The following DNAH12 variants were observed in gnomAD, a reference collection of about 807,000 sequenced individuals.
DNAH12 encodes the protein dynein axonemal heavy chain 12, also known as axonemal beta dynein heavy chain 12.
Under a neutral mutation model 371.5 loss-of-function variants are expected in DNAH12, and 285 were observed. The observed-to-expected ratio is 0.77, with a 90% CI of 0.70 to 0.85. DNAH12 has a LOEUF of 0.85. Ranked by LOEUF, DNAH12 falls within the 40% of genes least tolerant of loss-of-function variation. The pLI, the probability that DNAH12 is intolerant of heterozygous loss-of-function variation, is 0.00. For synonymous variants in DNAH12, 1,200 were observed against 1,213.0 expected, an observed-to-expected ratio of 0.99 and a Z score of 0.22; for missense variants, 3,611 against 3,689.4, an observed-to-expected ratio of 0.98 and a Z score of 0.55.
At chr3:57,399,125 T>A (rs1327557050) in intron 43 of DNAH12, among the ~76,000 whole-genome samples, 1 of 152,204 alleles carries the variant, frequency 6.6e-6, no homozygotes, top group Non-Finnish European at 1.5e-5. Context: ...AACTTTAGGT[T>A]GTTTTATGTA....
At chr3:57,332,771 A>T (rs570385851) in intron 62 of DNAH12, among the ~76,000 whole-genome samples, 1 of 152,312 alleles carries the variant, frequency 6.6e-6, no homozygotes, top group East Asian at 1.9e-4. Context: ...GAGGTGCTGT[A>T]ACCAGGAGAT....
chr3:57,328,512 C>T (rs36169818), intron 62 of DNAH12, among the ~76,000 whole-genome samples: 27 of 141,356 alleles, frequency 1.9e-4, no homozygotes, highest in South Asian at 7.1e-4. Context: ...ATTCAACAAC[C>T]CTTCATGCTA....
At chr3:57,484,123 T>C (rs542681908) in intron 12 of DNAH12, among the ~76,000 whole-genome samples, 2 of 152,106 alleles carry the variant, frequency 1.3e-5, no homozygotes, top group African/African-American at 4.8e-5. Context: ...TCTTTCTGGA[T>C]TGTTGTAATA....
At chr3:57,515,013 A>G (rs1575716719) in intron 4 of DNAH12, among the ~76,000 whole-genome samples, 1 of 152,190 alleles carries the variant, frequency 6.6e-6, no homozygotes, top group Non-Finnish European at 1.5e-5. Context: ...TAATGGATGA[A>G]AGCCAGATTC....
intron 60 of DNAH12, among the ~76,000 whole-genome samples, chr3:57,344,861 C>T (rs2062498820): frequency 6.6e-6 from 1 of 152,012 alleles, no homozygotes; most frequent in Non-Finnish European, 1.5e-5. Context: ...TTCAATAGCA[C>T]TGTAGGATGA....
intron 43 of DNAH12, among the ~76,000 whole-genome samples, chr3:57,397,474 T>TG (rs1422911642): frequency 6.6e-6 from 1 of 152,034 alleles, no homozygotes; most frequent in African/African-American, 2.4e-5. Flanking sequence ...CTGGCTTGTG[T>TG]GGGGGCTGTT....
At chr3:57,507,229 T>A (rs1329662632) in intron 8 of DNAH12, among the ~76,000 whole-genome samples, 3 of 152,104 alleles carry the variant, frequency 2.0e-5, no homozygotes, top group African/African-American at 4.8e-5. Context: ...TCAATAACTT[T>A]AAAAATTTTT....
At chr3:57,421,024 C>A (rs185778167) in intron 36 of DNAH12, among the ~76,000 whole-genome samples, 4 of 151,356 alleles carry the variant, frequency 2.6e-5, no homozygotes, top group African/African-American at 7.3e-5. Context: ...GAGGATGAAA[C>A]TCTCTTTCTG....
At chr3:57,514,260 G>C (rs1276173104) in intron 4 of DNAH12, among the ~76,000 whole-genome samples, 2 of 151,938 alleles carry the variant, frequency 1.3e-5, no homozygotes, top group South Asian at 2.1e-4. Context: ...TGGACATGGT[G>C]GGGGGAACCT....
At chr3:57,342,083 ACTCTCTC>A (rs1359802616) in intron 60 of DNAH12, among the ~76,000 whole-genome samples, 1 of 151,956 alleles carries the variant, frequency 6.6e-6, no homozygotes, top group Non-Finnish European at 1.5e-5. Context: ...GCAAAACTAG[ACTCTCTC>A]CTCTTATTCT....
chr3:57,350,505 T>C (rs6771954), intron 60 of DNAH12, among the ~76,000 whole-genome samples: 34,254 of 152,150 alleles, frequency 0.23, 4,514 homozygotes, highest in South Asian at 0.4. Context: ...TGACATTTCC[T>C]TAGACCACAC....
chr3:57,509,023 T>G (rs917878769), intron 6 of DNAH12, 117 bp downstream of exon 6: 14 of 873,212 alleles, frequency 1.6e-5, no homozygotes, highest in Non-Finnish European at 2.3e-5. Flanking sequence ...ACTTTTTTTT[T>G]AGATGTGTTC....
intron 43 of DNAH12, among the ~76,000 whole-genome samples, chr3:57,401,684 T>A (rs578027535): frequency 2.1e-5 from 3 of 145,488 alleles, no homozygotes; most frequent in African/African-American, 7.7e-5. Flanking sequence ...GCAAGGAAGC[T>A]AGGAAGGAAA....
intron 40 of DNAH12, among the ~76,000 whole-genome samples, chr3:57,407,912 GAAA>G (rs1553681799): frequency 8.6e-5 from 13 of 151,806 alleles, no homozygotes; most frequent in Middle Eastern, 3.2e-3. Flanking sequence ...AAGATAGAGA[GAAA>G]AAACGACAAG....
chr3:57,443,620 CATTAT>C lies in DNAH12; in HGVS notation c.4545+1072_4545+1076del, dbSNP rs2153369652. Among the ~76,000 whole-genome samples the C allele has an allele frequency of 1.3e-5, 2 of 151,868 alleles. 1 individual carries two copies. The highest frequency in any genetic ancestry group is 4.2e-4 in the South Asian group (2 of 4,800). ...AACATGATGATTTGATAAACATATA[CATTAT>C]ATAATGATTACCACAATCTAATTAA... On this transcript the variant is annotated intron_variant, in intron 29 of 73. Transcript: ENST00000495027.
In DNAH12 at chr3:57,309,731, G is replaced by GT. The variant is rs1575431321; in HGVS notation, c.11019dup (p.Gln3674ThrfsTer9). The GT allele has an allele frequency of 1.3e-6, 2 of 1,551,110 alleles. No individual in the cohort carries two copies. The highest frequency in any genetic ancestry group is 4.9e-5 in the East Asian group (2 of 40,902). ...TCAGTACTTCCTGAGGCTCCTGTCT[G>GT]TTTGGAGCCTCCCTGGGTGAGGAGC... On this transcript the variant is annotated frameshift_variant, in exon 68 of 74. Transcript: ENST00000495027. LOFTEE classifies it high-confidence loss of function.
At chr3:57,526,817 C>A (rs553146677) in intron 2 of DNAH12, among the ~76,000 whole-genome samples, 2 of 151,602 alleles carry the variant, frequency 1.3e-5, no homozygotes, top group Non-Finnish European at 2.9e-5. Flanking sequence ...GCACTGCGCC[C>A]GGCCTCTTTT....
chr3:57,523,506 G>T, intron 4 of DNAH12, 77 bp downstream of exon 4: 1 of 1,203,106 alleles, frequency 8.3e-7, no homozygotes, highest in South Asian at 1.5e-5. Flanking sequence ...GGACTTAGCA[G>T]GTGGTCTTAG....
intron 60 of DNAH12, among the ~76,000 whole-genome samples, chr3:57,347,935 G>T (rs1465611722): frequency 3.9e-5 from 6 of 151,992 alleles, no homozygotes; most frequent in African/African-American, 1.4e-4. Flanking sequence ...TAAATGGTAC[G>T]GCCACTCAGG....
Sources: allele counts gnomAD v4.1 joint callset (sites outside exome capture counted in the v4.1 genomes callset), GRCh38; gene constraint gnomAD v4.1.1; transcripts MANE v1.5; gene names NCBI Gene and HGNC (gene_info 2026-07-23, HGNC 2026-07-21).